The following DLG2 variants were observed in gnomAD, a reference collection of about 807,000 sequenced individuals.
DLG2 encodes the protein discs large MAGUK scaffold protein 2, also known as disks large homolog 2.
Under a neutral mutation model 132.5 loss-of-function variants are expected in DLG2, and 45 were observed. The ratio of observed to expected loss-of-function variants is 0.34; its 90% confidence interval spans 0.27 to 0.44. The LOEUF (loss-of-function observed/expected upper bound fraction) is 0.44, where lower values mean the gene tolerates loss of function less well. Among genes scored for constraint, DLG2 ranks in the 20% least tolerant of loss-of-function variants. The pLI, the probability that DLG2 is intolerant of heterozygous loss-of-function variation, is 1.00. For missense variants in DLG2, 1,045 were observed against 1,196.9 expected, an observed-to-expected ratio of 0.87 and a Z score of 1.87; for synonymous variants, 424 against 419.6, an observed-to-expected ratio of 1.01 and a Z score of -0.13.
chr11:84,192,866 C>T (rs755391057), intron 8 of DLG2, among the ~76,000 whole-genome samples: 3 of 152,160 alleles, frequency 2.0e-5, no homozygotes, highest in Non-Finnish European at 4.4e-5. Context: ...GAATACAATA[C>T]ATATTCCTCT....
intron 6 of DLG2, among the ~76,000 whole-genome samples, chr11:84,837,127 C>T (rs775591855): frequency 2.0e-5 from 3 of 151,854 alleles, no homozygotes; most frequent in Admixed American, 6.6e-5. Flanking sequence ...TCTTAGCAAG[C>T]CTATGACCAT....
intron 6 of DLG2, among the ~76,000 whole-genome samples, chr11:84,714,611 T>TC (rs2060930685): frequency 5.3e-5 from 5 of 93,528 alleles, no homozygotes; most frequent in African/African-American, 1.9e-4. Flanking sequence ...CTCTTTCTCT[T>TC]TCTCTTTCTC....
At chr11:84,389,176 A>G (rs988922122) in intron 7 of DLG2, among the ~76,000 whole-genome samples, 1 of 152,126 alleles carries the variant, frequency 6.6e-6, no homozygotes, top group African/African-American at 2.4e-5. Flanking sequence ...GCAAAGTCCA[A>G]TATAAAGGGT....
rs906810275 is a variant in DLG2 at position 84,695,333 on chromosome 11, G to T, written c.358-160602C>A. ...AGCTTCAAACCACTCTGTTCAACTT[G>T]CATTGCTTTGTGTGGCTTATGTAAC... On this transcript the variant is annotated intron_variant, in intron 6 of 27. Transcript: ENST00000376104. Among the ~76,000 whole-genome samples the T allele has an allele frequency of 1.3e-4, 19 of 151,660 alleles. 1 individual carries two copies. Among genetic ancestry groups the T allele is most frequent in the Middle Eastern group, 6.8e-3 (2 of 294 alleles).
intron 4 of DLG2, among the ~76,000 whole-genome samples, chr11:85,227,086 C>T (rs2075022494): frequency 6.6e-6 from 1 of 151,970 alleles, no homozygotes; most frequent in Non-Finnish European, 1.5e-5. Context: ...CAAGGCCTGC[C>T]TTATCACAGA....
At chr11:85,406,313 A>C (rs2088727586) in intron 3 of DLG2, among the ~76,000 whole-genome samples, 1 of 151,978 alleles carries the variant, frequency 6.6e-6, no homozygotes, top group African/African-American at 2.4e-5. Flanking sequence ...GTAGAAGTTA[A>C]GATAAATATC....
At chr11:83,721,639 G>A (rs527545935) in intron 18 of DLG2, among the ~76,000 whole-genome samples, 8 of 152,332 alleles carry the variant, frequency 5.3e-5, no homozygotes, top group African/African-American at 1.7e-4. Context: ...GACTTTGTCA[G>A]CAATGAGGAA....
chr11:84,413,408 T>C (rs554370095), intron 7 of DLG2, among the ~76,000 whole-genome samples: 4 of 152,260 alleles, frequency 2.6e-5, no homozygotes, highest in East Asian at 3.9e-4. Context: ...GCAGAAGATA[T>C]TTGAGTTGCT....
At chr11:84,154,314 A>G (rs965393683) in intron 9 of DLG2, among the ~76,000 whole-genome samples, 1 of 152,196 alleles carries the variant, frequency 6.6e-6, no homozygotes, top group Non-Finnish European at 1.5e-5. Context: ...ATTTTTAAAT[A>G]CAAAAGTAAT....
At chr11:85,507,471 G>A (rs1196492648) in intron 3 of DLG2, among the ~76,000 whole-genome samples, 1 of 152,098 alleles carries the variant, frequency 6.6e-6, no homozygotes, top group Non-Finnish European at 1.5e-5. Context: ...CACTTATGAA[G>A]CTTAGTTTGG....
chr11:84,501,258 T>C (rs888143245), intron 7 of DLG2, among the ~76,000 whole-genome samples: 1 of 152,244 alleles, frequency 6.6e-6, no homozygotes, highest in Non-Finnish European at 1.5e-5. Context: ...AAGTAGATTC[T>C]GAAATGTTTA....
intron 8 of DLG2, among the ~76,000 whole-genome samples, chr11:84,203,636 T>C (rs1597356234): frequency 6.8e-6 from 1 of 146,580 alleles, no homozygotes. Context: ...GGGACATGGA[T>C]GGAGCTAGAA....
At chr11:83,739,024 T>C (rs1305736983) in intron 18 of DLG2, among the ~76,000 whole-genome samples, 1 of 152,180 alleles carries the variant, frequency 6.6e-6, no homozygotes, top group Non-Finnish European at 1.5e-5. Flanking sequence ...TATTTTATTA[T>C]TTATATGATT....
chr11:84,678,133 T>C (rs2099719048), intron 6 of DLG2, among the ~76,000 whole-genome samples: 1 of 152,046 alleles, frequency 6.6e-6, no homozygotes. Flanking sequence ...CACTTCTTCC[T>C]CCACCTACAA....
chr11:84,463,383 A>G (rs1012061641), intron 7 of DLG2, among the ~76,000 whole-genome samples: 2 of 151,040 alleles, frequency 1.3e-5, no homozygotes. Context: ...GAGAAAGGAG[A>G]AGAGAGAAAG....
intron 6 of DLG2, among the ~76,000 whole-genome samples, chr11:84,811,725 A>T (rs2076579369): frequency 6.6e-6 from 1 of 152,150 alleles, no homozygotes; most frequent in Non-Finnish European, 1.5e-5. Context: ...TTATTTATTT[A>T]AAAAATATGT....
chr11:84,042,826 G>A (rs1161531200), intron 11 of DLG2, among the ~76,000 whole-genome samples: 1 of 151,816 alleles, frequency 6.6e-6, no homozygotes, highest in African/African-American at 2.4e-5. Flanking sequence ...AGTGGGAGCT[G>A]AACAATGAGA....
At chr11:85,093,983 C>A (rs2069291933) in intron 6 of DLG2, among the ~76,000 whole-genome samples, 1 of 152,166 alleles carries the variant, frequency 6.6e-6, no homozygotes, top group Non-Finnish European at 1.5e-5. Flanking sequence ...CACCATGATG[C>A]AACTAATATG....
intron 7 of DLG2, among the ~76,000 whole-genome samples, chr11:84,252,627 A>T (rs1359796649): frequency 6.6e-6 from 1 of 152,184 alleles, no homozygotes; most frequent in Non-Finnish European, 1.5e-5. Flanking sequence ...GAGTGCTACA[A>T]GGCAAATCAC....
Sources: gnomAD v4.1 joint callset for allele counts (sites outside exome capture counted in the v4.1 genomes callset) on GRCh38, gnomAD v4.1.1 for gene constraint, MANE v1.5 for transcripts, NCBI Gene and HGNC (gene_info 2026-07-23, HGNC 2026-07-21) for gene names.